The following RASGRF1 variants were observed in gnomAD, a reference collection of about 807,000 sequenced individuals.
RASGRF1 encodes Ras protein specific guanine nucleotide releasing factor 1.
Under a neutral mutation model 138.7 loss-of-function variants are expected in RASGRF1, and 40 were observed. The ratio of observed to expected loss-of-function variants is 0.29; its 90% CI spans 0.22 to 0.38. The LOEUF is 0.38. RASGRF1 is among the 10% of genes least tolerant of loss of function. RASGRF1 has a pLI of 1.00. For synonymous variants in RASGRF1, 614 were observed against 663.2 expected, an observed-to-expected ratio of 0.93 and a Z score of 1.14; for missense variants, 1,108 against 1,650.4, an observed-to-expected ratio of 0.67 and a Z score of 5.69.
Position 79,060,492 on chromosome 15 carries a change from G to A in RASGRF1, c.384-2011C>T, listed in dbSNP as rs115149666. ...AAGGCTTCTAGTTTGTGTTGAATCT[G>A]CATTACCTGGCAGTTGCAGAGCCCT... On this transcript the variant is annotated intron_variant, in intron 2 of 26. Transcript: ENST00000558480. Among the ~76,000 whole-genome samples, 389 of 152,296 alleles carry A rather than the reference G, an allele frequency of 2.6e-3. 1 individual carries two copies. Among genetic ancestry groups the A allele is most frequent in the African/African-American group, 8.3e-3 (347 of 41,580 alleles).
intron 3 of RASGRF1, among the ~76,000 whole-genome samples, chr15:79,055,481 G>A (rs2057498875): frequency 6.6e-6 from 1 of 152,096 alleles, no homozygotes; most frequent in Non-Finnish European, 1.5e-5. Flanking sequence ...TTCTTTCAAA[G>A]TCTTCTTTAA....
Position 79,031,434 on chromosome 15 carries a change from C to A in RASGRF1, c.1228G>T (p.Asp410Tyr). ...PHEHVERNSL[D>Y]YAKSKLEELS... is the part of the protein sequence containing the mutation. ...TCCTCCAGTTTGGACTTGGCGTAGTCCAGGCTGTTGCGCTCAACGTGCTCA... is the reference window on the plus strand; with the variant it reads ...TCCTCCAGTTTGGACTTGGCGTAGTACAGGCTGTTGCGCTCAACGTGCTCA... Residue 410 changes from aspartate (D) to tyrosine (Y), a missense_variant, in exon 8 of 27, where the codon GAC becomes TAC. By Grantham distance (160) the Asp-to-Tyr change is radical (BLOSUM62 -3). Coordinates refer to ENST00000558480, the MANE Select transcript of RASGRF1 (RefSeq NM_001145648.3). 1 of 1,612,814 alleles carries A rather than the reference C, an allele frequency of 6.2e-7. No homozygotes were observed. The highest frequency in any genetic ancestry group is 8.5e-7 in the Non-Finnish European group (1 of 1,179,432).
At chr15:78,970,080 A>G (rs544154010) in intron 26 of RASGRF1, among the ~76,000 whole-genome samples, 2 of 152,338 alleles carry the variant, frequency 1.3e-5, no homozygotes, top group African/African-American at 4.8e-5. Context: ...TTCTCAAAAA[A>G]CACATTGATC....
chr15:79,071,648 T>C (rs949006092), intron 1 of RASGRF1, among the ~76,000 whole-genome samples: 4 of 152,020 alleles, frequency 2.6e-5, no homozygotes, highest in African/African-American at 2.4e-5. Context: ...GGGATCATAG[T>C]TGTGAGCCAC....
intron 1 of RASGRF1, among the ~76,000 whole-genome samples, chr15:79,088,265 C>A (rs2141116016): frequency 6.6e-6 from 1 of 152,332 alleles, no homozygotes; most frequent in Non-Finnish European, 1.5e-5. Context: ...ACTTTAACAT[C>A]TGGTGACCTA....
chr15:79,011,616 C>T (rs113657171), intron 13 of RASGRF1, among the ~76,000 whole-genome samples: 77 of 152,274 alleles, frequency 5.1e-4, no homozygotes, highest in Middle Eastern at 3.4e-3. Flanking sequence ...GCCAGGCACT[C>T]GTCCCTATAC....
At position 78,971,953 on chromosome 15, in the gene RASGRF1, G is replaced by T. The variant is rs769038393; in HGVS notation, c.3613-19C>A. The T allele has an allele frequency of 6.4e-7, 1 of 1,555,540 alleles. No individual in the cohort carries two copies. Among genetic ancestry groups the T allele is most frequent in the Non-Finnish European group, 8.9e-7 (1 of 1,126,748 alleles). The stretch of plus-strand genomic sequence containing the variant: ...GGGATATCTGTGGGAAGGAAGGAGT[G>T]TTTCAGAATGCAGTTTGCTCTCCTA... On this transcript the variant is annotated intron_variant, in intron 25 of 26. Coordinates refer to ENST00000558480, the MANE Select transcript of RASGRF1 (RefSeq NM_001145648.3).
In RASGRF1 at chr15:78,960,737, G is replaced by T. The variant is rs77443730; in HGVS notation, c.*1407C>A. ...TTATGTTTTGGAGTGGCTTGTTCTT[G>T]GTGCAATAGGCAACTGAAACAGTCT... On this transcript the variant is annotated 3_prime_UTR_variant, in exon 27 of 27. Coordinates refer to ENST00000558480, the MANE Select transcript of RASGRF1 (RefSeq NM_001145648.3). 2.0e-5 allele frequency: 3 copies of T among 152,216 alleles called. 1 individual carries two copies. In the South Asian group the frequency reaches 6.2e-4, roughly 32 times the overall value. The allele number at this position is 152,216 out of a possible 1,614,324, so 9.4% of individuals were successfully genotyped here. A position where few individuals can be genotyped will look rare whatever the true frequency, so the allele number is the denominator to read the frequency against.
intron 1 of RASGRF1, among the ~76,000 whole-genome samples, chr15:79,074,387 A>G (rs949150985): frequency 5.3e-5 from 8 of 152,192 alleles, no homozygotes; most frequent in African/African-American, 1.4e-4. Context: ...GTGAGGGTCA[A>G]TGATGGGAAG....
In RASGRF1 at chr15:79,090,567, C is replaced by A. The variant is rs1440496225; in HGVS notation, c.-69G>T. On this transcript the variant is annotated 5_prime_UTR_variant, in exon 1 of 27. Coordinates refer to ENST00000558480, the MANE Select transcript of RASGRF1 (RefSeq NM_001145648.3). ...CGCGCAGCAGCCCCCCGTCCGTGCG[C>A]GCTGCGCGCTGCCTCTCTCTGGCGC... 6.4e-6 allele frequency: 10 copies of A among 1,561,636 alleles called. No individual in the cohort carries two copies. Among genetic ancestry groups the A allele is most frequent in the African/African-American group, 2.7e-5 (2 of 74,182 alleles).
chr15:79,088,862 C>A (rs1307743776), intron 1 of RASGRF1, among the ~76,000 whole-genome samples: 1 of 152,342 alleles, frequency 6.6e-6, no homozygotes, highest in South Asian at 2.1e-4. Flanking sequence ...CATCTGGGAG[C>A]CCCTGCTCAC....
At chr15:79,074,364 A>C (rs1196271646) in intron 1 of RASGRF1, among the ~76,000 whole-genome samples, 1 of 152,178 alleles carries the variant, frequency 6.6e-6, no homozygotes, top group African/African-American at 2.4e-5. Flanking sequence ...TAGGGTGAGG[A>C]TAGGCAGTTG....
At position 78,995,735 on chromosome 15, in the gene RASGRF1, C is replaced by T. The variant is rs1229519425; in HGVS notation, c.3027+5G>A. ...TTGGAAAGCAAGAGGGCAGGCCCAG[C>T]TCACCATCTGCGTGATCTCCTCCAG... On this transcript the variant is annotated splice_donor_5th_base_variant and intron_variant, in intron 20 of 26. Transcript: ENST00000558480. The T allele has an allele frequency of 1.2e-6, 2 of 1,614,184 alleles. No individual in the cohort carries two copies. The highest frequency in any genetic ancestry group is 1.1e-5 in the South Asian group (1 of 91,084).
intron 26 of RASGRF1, among the ~76,000 whole-genome samples, chr15:78,970,246 C>T (rs567771589): frequency 7.9e-5 from 12 of 152,094 alleles, no homozygotes; most frequent in East Asian, 5.8e-4. Context: ...GGAGGCTGGG[C>T]GTGGTGGTTC....
chr15:79,060,849 T>C (rs1473199622), intron 2 of RASGRF1, among the ~76,000 whole-genome samples: 1 of 152,186 alleles, frequency 6.6e-6, no homozygotes, highest in Non-Finnish European at 1.5e-5. Context: ...GAGGTGTGCA[T>C]GGCCTGCCTG....
chr15:79,023,177 G>GAAA (rs113056568), intron 10 of RASGRF1, among the ~76,000 whole-genome samples: 1 of 143,868 alleles, frequency 7.0e-6, no homozygotes. Flanking sequence ...CCGTCTTGGG[G>GAAA]AAAAAAAAAA....
chr15:79,061,169 G>A (rs2057599114), intron 2 of RASGRF1, among the ~76,000 whole-genome samples: 2 of 151,974 alleles, frequency 1.3e-5, no homozygotes, highest in African/African-American at 4.8e-5. Context: ...ATGGCTACAA[G>A]GAACTAAATC....
At position 78,998,814 on chromosome 15, in the gene RASGRF1, C is replaced by G; in HGVS notation, c.2758G>C (p.Asp920His). The change falls in exon 18 of 27, where the codon GAC becomes CAC. Residue 920 changes from aspartate (D) to histidine (H), a missense_variant. This residue lies in a region of RASGRF1 where 686 missense variants were observed against 976.7 expected (regional missense o/e 0.70). Coordinates refer to ENST00000558480, the MANE Select transcript of RASGRF1 (RefSeq NM_001145648.3). ...AACTCCTTGTCTCCATTCCTCTGGT[C>G]TGGGGGAAACCCTGGCAGCATGCGT... ...MSLASAGFPP[D>H]QRNGDKEFVI... 1 of 1,613,596 alleles carries G rather than the reference C, an allele frequency of 6.2e-7. No individual in the cohort carries two copies. Among genetic ancestry groups the G allele is most frequent in the Non-Finnish European group, 8.5e-7 (1 of 1,179,566 alleles).
intron 22 of RASGRF1, among the ~76,000 whole-genome samples, chr15:78,987,040 C>T (rs1266651012): frequency 6.6e-6 from 1 of 152,112 alleles, no homozygotes; most frequent in Non-Finnish European, 1.5e-5. Flanking sequence ...GGAATATCTT[C>T]CAGTTTATTC....
Sources: allele counts gnomAD v4.1 joint callset (sites outside exome capture counted in the v4.1 genomes callset), GRCh38; gene constraint gnomAD v4.1.1; regional missense constraint gnomAD v4.1.1; transcripts MANE v1.5; gene names NCBI Gene and HGNC (gene_info 2026-07-23, HGNC 2026-07-21).